The following WDR47 variants were observed in gnomAD, a reference collection of about 807,000 sequenced individuals.
The protein encoded by WDR47 is WD repeat-containing protein 47.
Under a neutral mutation model 97.2 loss-of-function variants are expected in WDR47, and 32 were observed. The observed-to-expected ratio is 0.33, with a 90% CI of 0.25 to 0.44. The LOEUF (loss-of-function observed/expected upper bound fraction) is 0.44. WDR47 is among the 20% of genes least tolerant of loss of function. WDR47 has a pLI of 1.00. For synonymous variants in WDR47, 375 were observed against 373.5 expected, an observed-to-expected ratio of 1.00 and a Z score of -0.05; for missense variants, 782 against 1,102.3, an observed-to-expected ratio of 0.71 and a Z score of 4.11.
intron 2 of WDR47, among the ~76,000 whole-genome samples, chr1:109,022,992 C>G (rs950994646): frequency 6.6e-6 from 1 of 151,574 alleles, no homozygotes; most frequent in African/African-American, 2.4e-5. Flanking sequence ...ATCACGAGGT[C>G]AGGAGATCGA....
chr1:108,977,960 G>C (rs892156663), intron 13 of WDR47, among the ~76,000 whole-genome samples: 5 of 150,866 alleles, frequency 3.3e-5, no homozygotes, highest in Non-Finnish European at 7.4e-5. Flanking sequence ...CTCCAGTCTG[G>C]GTGACAAAAG....
rs1440251602 is a variant in WDR47, at chr1:109,011,588, T to G, written c.458A>C (p.Lys153Thr). 1.2e-6 allele frequency: 2 copies of G among 1,614,202 alleles called. No individual in the cohort carries two copies. The highest frequency in any genetic ancestry group is 1.7e-6 in the Non-Finnish European group (2 of 1,180,046). The change falls in exon 5 of 15, where the codon AAG (lysine) becomes ACG (threonine). Residue 153 changes from lysine (K) to threonine (T), a missense_variant. Transcript: ENST00000369962. ...TCGTGCGGTGCTGGGATTCCAGTCC[T>G]TAAACTCGGCATGATTGGTCAGACG... ...LPRLTNHAEF[K>T]DWNPSTARVH... is the part of the protein sequence containing the mutation.
In WDR47 at chr1:108,971,563, G is replaced by A; in HGVS notation, c.2627C>T (p.Thr876Ile). 6.2e-7 allele frequency: 1 copy of A among 1,614,100 alleles called. No individual in the cohort carries two copies. Among genetic ancestry groups the A allele is most frequent in the Non-Finnish European group, 8.5e-7 (1 of 1,180,016 alleles). ...CACCACCATGATAGGAAGCTGCTTG[G>A]TGAGGTCCCCTAAATTACAAAAGAG... ...IKVTDLQGDL[T>I]KQLPIMVVGE... is the part of the protein sequence containing the mutation. The change falls in exon 15 of 15, where the codon ACC (threonine) becomes ATC (isoleucine). Residue 876 changes from threonine to isoleucine, a missense_variant. Around this residue, in one of 3 missense-constraint regions of WDR47, gnomAD observed 228 missense variants for 396.7 expected, o/e 0.57. Transcript: ENST00000369962.
intron 1 of WDR47, among the ~76,000 whole-genome samples, chr1:109,030,697 G>A (rs1333491149): frequency 5.4e-5 from 5 of 93,276 alleles, no homozygotes; most frequent in African/African-American, 1.8e-4. Context: ...AAGATGAAGT[G>A]TCATGAAGCT....
rs1299905382 is a variant in WDR47 at position 109,004,716 on chromosome 1, C to T, written c.1131-1G>A. The T allele has an allele frequency of 6.3e-7, 1 of 1,588,036 alleles. No homozygotes were observed. The highest frequency in any genetic ancestry group is 8.6e-7 in the Non-Finnish European group (1 of 1,169,212). On this transcript the variant is annotated splice_acceptor_variant, in intron 5 of 14. Coordinates refer to ENST00000369962, the MANE Select transcript of WDR47 (RefSeq NM_001142551.2). LOFTEE classifies it high-confidence loss of function. ...CCTCTGTGCATCAACAGGTGTATCA[C>T]TTCTTCCAGAAACGTGCAAAAAAAC... is the stretch of plus-strand genomic sequence containing the variant.
intron 13 of WDR47, among the ~76,000 whole-genome samples, chr1:108,975,816 C>T (rs927436423): frequency 5.4e-4 from 82 of 151,984 alleles, no homozygotes; most frequent in African/African-American, 1.9e-3. Context: ...TATACACAGG[C>T]GAACACATAC....
chr1:108,980,727 TCAACAA>T (rs34767135), intron 13 of WDR47, among the ~76,000 whole-genome samples: 4 of 151,114 alleles, frequency 2.6e-5, no homozygotes, highest in Non-Finnish European at 4.4e-5. Flanking sequence ...AGATTCTGTC[TCAACAA>T]CAACAACAAC....
intron 1 of WDR47, among the ~76,000 whole-genome samples, chr1:109,037,556 G>A (rs1463354173): frequency 2.7e-5 from 4 of 150,828 alleles, no homozygotes; most frequent in African/African-American, 9.8e-5. Flanking sequence ...GAACCTGGGA[G>A]GCGGAGCTTG....
At chr1:109,014,616 G>A (rs1661285834) in intron 3 of WDR47, among the ~76,000 whole-genome samples, 2 of 151,570 alleles carry the variant, frequency 1.3e-5, no homozygotes, top group African/African-American at 4.9e-5. Flanking sequence ...AAATTGTTTT[G>A]TAGAGACCGG....
intron 5 of WDR47, among the ~76,000 whole-genome samples, chr1:109,008,273 C>CT (rs200754295): frequency 0.07 from 10,477 of 148,920 alleles, 470 homozygotes; most frequent in Middle Eastern, 0.13. Context: ...TCCTATACTT[C>CT]TTTTTTTTTT....
chr1:109,037,498 C>T (rs1301038598), intron 1 of WDR47, among the ~76,000 whole-genome samples: 3 of 150,742 alleles, frequency 2.0e-5, no homozygotes, highest in South Asian at 2.1e-4. Context: ...TGGTGGCGGG[C>T]GCCTGTAATC....
chr1:109,035,816 CT>C (rs200992563), intron 1 of WDR47, among the ~76,000 whole-genome samples: 754 of 143,036 alleles, frequency 5.3e-3, no homozygotes, highest in Admixed American at 6.1e-3. Flanking sequence ...TTTGTATCTT[CT>C]TTTTTTTTTT....
intron 1 of WDR47, among the ~76,000 whole-genome samples, chr1:109,026,494 TA>T (rs1288672690): frequency 6.6e-6 from 1 of 152,176 alleles, no homozygotes; most frequent in Non-Finnish European, 1.5e-5. Context: ...TTTTTATTTT[TA>T]CTGCTCCTTG....
intron 1 of WDR47, among the ~76,000 whole-genome samples, chr1:109,039,097 C>T (rs914161759): frequency 1.1e-4 from 17 of 152,022 alleles, no homozygotes; most frequent in Admixed American, 3.3e-4. Flanking sequence ...TCATCTGAAG[C>T]CATTTAAACA....
intron 7 of WDR47, 41 bp downstream of exon 7, chr1:109,002,183 T>G (rs1177186687): frequency 1.7e-5 from 25 of 1,497,816 alleles, no homozygotes; most frequent in Non-Finnish European, 2.2e-5. Context: ...TAAATAGCTT[T>G]CAAATAACTC....
intron 8 of WDR47, among the ~76,000 whole-genome samples, chr1:108,994,163 C>A (rs995346997): frequency 6.6e-6 from 1 of 151,846 alleles, no homozygotes; most frequent in Non-Finnish European, 1.5e-5. Context: ...TTTGGGAGGC[C>A]GAGGTGAGCG....
intron 5 of WDR47, among the ~76,000 whole-genome samples, chr1:109,007,087 G>A (rs1443955836): frequency 1.3e-5 from 2 of 148,712 alleles, no homozygotes; most frequent in Admixed American, 6.7e-5. Flanking sequence ...ACAGGCACAC[G>A]CCACCATGCT....
At chr1:109,018,170 C>T (rs372545816) in intron 2 of WDR47, among the ~76,000 whole-genome samples, 91 of 152,110 alleles carry the variant, frequency 6.0e-4, no homozygotes, top group Middle Eastern at 3.4e-3. Context: ...TTGGACATGC[C>T]AGGCGTGGTG....
At chr1:108,983,220 C>CATGGAGAAAACATAACAT (rs1482765108) in intron 11 of WDR47, 62 bp downstream of exon 11, 29 of 1,404,588 alleles carry the variant, frequency 2.1e-5, no homozygotes, top group Non-Finnish European at 2.6e-5. Context: ...AGAAATACAA[C>CATGGAGAAAACATAACAT]ATGGAGAAAA....
Sources: allele counts gnomAD v4.1 joint callset (sites outside exome capture counted in the v4.1 genomes callset), GRCh38; gene constraint gnomAD v4.1.1; regional missense constraint gnomAD v4.1.1; transcripts MANE v1.5; gene names NCBI Gene and HGNC (gene_info 2026-07-23, HGNC 2026-07-21).